The following BAZ1A variants were observed in gnomAD, a reference collection of about 807,000 sequenced individuals.
BAZ1A encodes bromodomain adjacent to zinc finger domain protein 1A.
Under a neutral mutation model 185.2 loss-of-function variants are expected in BAZ1A, and 50 were observed. The observed-to-expected ratio is 0.27, with a 90% CI of 0.22 to 0.34. The LOEUF (loss-of-function observed/expected upper bound fraction) is 0.34. Ranked by LOEUF, BAZ1A falls within the 10% of genes least tolerant of loss-of-function variation. The pLI, the probability that BAZ1A is intolerant of heterozygous loss-of-function variation, is 1.00. For synonymous variants in BAZ1A, 571 were observed against 615.6 expected (o/e 0.93, Z 1.07); for missense variants, 1,356 against 1,839.9 (o/e 0.74, Z 4.81).
intron 11 of BAZ1A, among the ~76,000 whole-genome samples, 197 bp downstream of exon 11, chr14:34,794,552 T>G (rs1000044137): frequency 6.6e-6 from 1 of 152,132 alleles, no homozygotes; most frequent in African/African-American, 2.4e-5. Context: ...TATGAGATAC[T>G]CTGATGAAAT....
chr14:34,762,457 T>A (rs565017501), intron 23 of BAZ1A, among the ~76,000 whole-genome samples: 1 of 151,702 alleles, frequency 6.6e-6, no homozygotes, highest in African/African-American at 2.4e-5. Context: ...GCAAAGAGAA[T>A]ATTTTATGTT....
intron 2 of BAZ1A, among the ~76,000 whole-genome samples, chr14:34,863,228 G>A (rs564524048): frequency 1.6e-4 from 21 of 132,340 alleles, no homozygotes; most frequent in African/African-American, 5.1e-4. Context: ...GCAATGGCGC[G>A]ATCTCGGCTC....
At chr14:34,764,172 C>G (rs992176087) in intron 23 of BAZ1A, among the ~76,000 whole-genome samples, 1 of 151,992 alleles carries the variant, frequency 6.6e-6, no homozygotes, top group Non-Finnish European at 1.5e-5. Flanking sequence ...GCATTTATCA[C>G]TCTCTCTCAG....
intron 19 of BAZ1A, 119 bp from the exon 20 acceptor site, chr14:34,773,845 A>G: frequency 9.3e-7 from 1 of 1,079,558 alleles, no homozygotes; most frequent in Non-Finnish European, 1.3e-6. Flanking sequence ...ATTATGAATC[A>G]AAAAGGTATC....
intron 3 of BAZ1A, among the ~76,000 whole-genome samples, chr14:34,856,606 G>A (rs1024404070): frequency 1.4e-4 from 21 of 151,938 alleles, no homozygotes; most frequent in Admixed American, 3.9e-4. Context: ...ACCTTTAGTC[G>A]CAGCACTTTG....
At chr14:34,767,701 A>C (rs1959150) in intron 21 of BAZ1A, among the ~76,000 whole-genome samples, 1 of 152,024 alleles carries the variant, frequency 6.6e-6, no homozygotes, top group African/African-American at 2.4e-5. Flanking sequence ...AGGAATGAGG[A>C]AGCACGAATA....
intron 2 of BAZ1A, among the ~76,000 whole-genome samples, chr14:34,865,205 G>T (rs1054385517): frequency 2.6e-5 from 4 of 152,092 alleles, no homozygotes; most frequent in African/African-American, 9.7e-5. Context: ...CCACAATCAT[G>T]CCACTGCACT....
intron 12 of BAZ1A, among the ~76,000 whole-genome samples, chr14:34,787,899 TATATC>T (rs1444310277): frequency 7.9e-5 from 12 of 152,202 alleles, no homozygotes; most frequent in Non-Finnish European, 5.9e-5. Context: ...ACCCTTCTGT[TATATC>T]ATAGTACAGT....
rs757738575 is a variant in BAZ1A, at chr14:34,765,018, T to C, written c.3549+3A>G. 1 of 1,613,484 alleles carries C rather than the reference T, an allele frequency of 6.2e-7. No homozygotes were observed. The highest frequency in any genetic ancestry group is 8.5e-7 in the Non-Finnish European group (1 of 1,179,876). On this transcript the variant is annotated splice_donor_region_variant and intron_variant, in intron 22 of 26. Transcript: ENST00000360310. ...TTCTAATCTGATAAGAAGAAAAAAA[T>C]ACCTTGAGCTTTGGTCGAACACAGT... is the stretch of plus-strand genomic sequence containing the variant.
At chr14:34,791,880 T>C (rs564003057) in intron 12 of BAZ1A, among the ~76,000 whole-genome samples, 1 of 152,278 alleles carries the variant, frequency 6.6e-6, no homozygotes, top group East Asian at 1.9e-4. Context: ...ACATACTGTT[T>C]TAAAAATATG....
chr14:34,753,790 A>G (rs140179317), intron 26 of BAZ1A, 86 bp from the exon 27 acceptor site: 22,489 of 1,196,152 alleles, frequency 0.019, 249 homozygotes, highest in Non-Finnish European at 0.021. Flanking sequence ...TGGAAATTTT[A>G]TTAAGAAAAT....
chr14:34,842,438 T>C (rs2042431055), intron 3 of BAZ1A, among the ~76,000 whole-genome samples: 1 of 152,144 alleles, frequency 6.6e-6, no homozygotes, highest in Non-Finnish European at 1.5e-5. Context: ...ATTAGTACAA[T>C]GGTTAAGAAT....
intron 17 of BAZ1A, among the ~76,000 whole-genome samples, chr14:34,777,031 A>C (rs1205298573): frequency 6.6e-6 from 1 of 152,226 alleles, no homozygotes; most frequent in East Asian, 1.9e-4. Context: ...GGGCATGCAA[A>C]ATCTGTCATT....
At chr14:34,773,759 A>G in intron 19 of BAZ1A, 33 bp from the exon 20 acceptor site, 1 of 1,604,976 alleles carries the variant, frequency 6.2e-7, no homozygotes, top group Non-Finnish European at 8.5e-7. Flanking sequence ...TAACCATGAA[A>G]AATGGAATAT....
intron 3 of BAZ1A, among the ~76,000 whole-genome samples, chr14:34,839,710 G>A (rs1472603848): frequency 1.3e-5 from 2 of 151,384 alleles, no homozygotes; most frequent in African/African-American, 4.9e-5. Context: ...GGGCGTGGTG[G>A]CGGGTGCCTG....
chr14:34,825,781 T>G (rs762027973), intron 4 of BAZ1A, among the ~76,000 whole-genome samples: 2 of 151,898 alleles, frequency 1.3e-5, no homozygotes, highest in Non-Finnish European at 2.9e-5. Flanking sequence ...CTACCAAAGA[T>G]ACAAAAATTA....
In BAZ1A at chr14:34,830,754, A is replaced by G. The variant is rs1262003233; in HGVS notation, c.393-4598T>C. On this transcript the variant is annotated intron_variant, in intron 3 of 26. Transcript: ENST00000360310. ...GCATTGCTGGAATTATATTTATGGT[A>G]TATCTCTACAACTCCTTTTTTTTTT... Among the ~76,000 whole-genome samples the G allele has an allele frequency of 2.0e-5, 3 of 149,884 alleles. 1 individual carries two copies. The highest frequency in any genetic ancestry group is 4.2e-4 in the South Asian group (2 of 4,728).
Position 34,783,258 on chromosome 14 carries a change from G to C in BAZ1A, c.1998-26C>G, listed in dbSNP as rs567652985. 1.7e-4 allele frequency: 240 copies of C among 1,381,056 alleles called. 2 individuals are homozygous for C. In the South Asian group the frequency reaches 2.5e-3, roughly 14 times the overall value. 85.6% of individuals were successfully genotyped at this position (1,381,056 alleles called of 1,614,324 possible). The stretch of plus-strand genomic sequence containing the variant: ...CTAAAAGTTAAAATGAAATATGGTA[G>C]TCTATCTGATGCACATATACATTTC... On this transcript the variant is annotated intron_variant, in intron 15 of 26. Coordinates refer to ENST00000360310, the MANE Select transcript of BAZ1A (RefSeq NM_013448.3).
chr14:34,773,778 T>C, intron 19 of BAZ1A, 52 bp from the exon 20 acceptor site: 2 of 1,565,334 alleles, frequency 1.3e-6, no homozygotes, highest in Non-Finnish European at 1.7e-6. Flanking sequence ...ATATTGTTTC[T>C]GAGAGGTATG....
Sources: allele counts gnomAD v4.1 joint callset (sites outside exome capture counted in the v4.1 genomes callset), GRCh38; gene constraint gnomAD v4.1.1; transcripts MANE v1.5; gene names NCBI Gene and HGNC (gene_info 2026-07-23, HGNC 2026-07-21).